The following THAP9 variants were observed in gnomAD, a reference collection of about 807,000 sequenced individuals.
THAP9 encodes DNA transposase THAP9.
THAP9 carries 20 observed loss-of-function variants against 35.7 expected under a neutral mutation model. The ratio of observed to expected loss-of-function variants is 0.56; its 90% CI spans 0.39 to 0.81. The LOEUF (loss-of-function observed/expected upper bound fraction) is 0.81, where lower values mean the gene tolerates loss of function less well. THAP9 is among the 40% of genes least tolerant of loss of function. THAP9 has a pLI of 0.00. For missense variants in THAP9, 870 were observed against 1,047.4 expected, an observed-to-expected ratio of 0.83 and a Z score of 2.34; for synonymous variants, 335 against 373.7, an observed-to-expected ratio of 0.90 and a Z score of 1.19.
At position 82,918,280 on chromosome 4, in the gene THAP9, G is replaced by T. The variant is rs201342687; in HGVS notation, c.2068G>T (p.Glu690Ter). Residue 690 changes from glutamate (E) to a stop codon, truncating the protein, a stop_gained, in exon 5 of 5, where the codon GAG becomes TAG. Coordinates refer to ENST00000302236, the MANE Select transcript of THAP9 (RefSeq NM_024672.6). LOFTEE classifies it low-confidence loss of function (END_TRUNC). ...CGTTACAAAGACTGTCTTTCACGAA[G>T]AGGGTATTTGTCAAGACTGGTCTCA... ...VSVTKTVFHE[E>*]GICQDWSHCS... 15 of 1,614,186 alleles carry T rather than the reference G, an allele frequency of 9.3e-6. No individual in the cohort carries two copies. In the East Asian group the frequency reaches 3.3e-4, roughly 36 times the overall value.
At chr4:82,906,191 A>C in intron 2 of THAP9, 133 bp from the exon 3 acceptor site, 1 of 718,598 alleles carries the variant, frequency 1.4e-6, no homozygotes, top group Non-Finnish European at 2.2e-6. Context: ...AAACATTCAG[A>C]GATTATGACC....
At position 82,900,836 on chromosome 4, in the gene THAP9, A is replaced by G; in HGVS notation, c.34A>G (p.Thr12Ala). 6.2e-7 allele frequency: 1 copy of G among 1,613,542 alleles called. No individual in the cohort carries two copies. Reference protein sequence around the residue: ...TRSCSAVGCSTRDTVLSRERG... With the variant: ...TRSCSAVGCSARDTVLSRERG... ...AAGTTGCTCCGCAGTGGGCTGCAGCACCCGTGACACCGTGCTCAGCCGGGA... is the reference window on the plus strand; with the variant it reads ...AAGTTGCTCCGCAGTGGGCTGCAGCGCCCGTGACACCGTGCTCAGCCGGGA... Residue 12 changes from threonine (T) to alanine (A), a missense_variant, in exon 1 of 5, where the codon ACC becomes GCC. By Grantham distance (58) the Thr-to-Ala change is moderately conservative. Around this residue, in one of 3 missense-constraint regions of THAP9, gnomAD observed 440 missense variants for 501.2 expected, o/e 0.88. Coordinates refer to ENST00000302236, the MANE Select transcript of THAP9 (RefSeq NM_024672.6).
Position 82,918,555 on chromosome 4 carries a change from C to G in THAP9, c.2343C>G (p.Thr781=), listed in dbSNP as rs777205007. 9.3e-6 allele frequency: 15 copies of G among 1,613,864 alleles called. 1 individual carries two copies. The South Asian group carries it at 1.5e-4, about 17-fold the overall frequency. The part of the protein sequence containing the change: ...VINICERVVR[T]HSRMAIFELV... ...ATATTTGTGAGCGAGTTGTAAGAACCCATTCAAGAATGGCAATTTTTGAAC... is the reference window on the plus strand; with the variant it reads ...ATATTTGTGAGCGAGTTGTAAGAACGCATTCAAGAATGGCAATTTTTGAAC... Residue 781 remains threonine (T), a synonymous_variant, in exon 5 of 5, where the codon ACC becomes ACG. Coordinates refer to ENST00000302236, the MANE Select transcript of THAP9 (RefSeq NM_024672.6).
Position 82,904,637 on chromosome 4 carries a change from A to G in THAP9, c.81-99A>G, listed in dbSNP as rs535624752. 6 of 1,080,076 alleles carry G rather than the reference A, an allele frequency of 5.6e-6. No homozygotes were observed. In the South Asian group the frequency reaches 9.1e-5, roughly 16 times the overall value. 66.9% of individuals were successfully genotyped at this position (1,080,076 alleles called of 1,614,324 possible). A position where few individuals can be genotyped will look rare whatever the true frequency, so the allele number is the denominator to read the frequency against. ...TTAATTCACTTGGCTTTATGTTTCT[A>G]TAAAGCAGTAAAATAATAGATGGGT... On this transcript the variant is annotated intron_variant, in intron 1 of 4. Transcript: ENST00000302236.
chr4:82,912,385 A>G (rs1720894083), intron 4 of THAP9, among the ~76,000 whole-genome samples: 1 of 152,232 alleles, frequency 6.6e-6, no homozygotes, highest in Non-Finnish European at 1.5e-5. Context: ...GAGAATCAAA[A>G]GTAACAACAG....
In THAP9 at chr4:82,907,869, G is replaced by A; in HGVS notation, c.665G>A (p.Cys222Tyr). Residue 222 changes from cysteine (C) to tyrosine (Y), a missense_variant, in exon 4 of 5, where the codon TGC becomes TAC. Physicochemically the swap from Cys to Tyr is radical, Grantham distance 194 (BLOSUM62 -2). This residue lies in a region of THAP9 where 440 missense variants were observed against 501.2 expected (regional missense o/e 0.88). Transcript: ENST00000302236. ...MKQFACTLYL[C>Y]SSKVYDYVRK... The stretch of plus-strand genomic sequence containing the variant: ...CAATTTGCATGTACACTCTACTTGT[G>A]CAGTAGCAAAGTCTATGATTATGTA... The A allele has an allele frequency of 6.2e-7, 1 of 1,611,932 alleles. No individual in the cohort carries two copies. The highest frequency in any genetic ancestry group is 2.2e-5 in the East Asian group (1 of 44,738).
chr4:82,917,864 A>G lies in THAP9; in HGVS notation c.1652A>G (p.Lys551Arg). The G allele has an allele frequency of 1.9e-6, 3 of 1,613,382 alleles. No individual in the cohort carries two copies. The highest frequency in any genetic ancestry group is 2.5e-6 in the Non-Finnish European group (3 of 1,179,884). ...SKINHVLIEA[K>R]TIFVTLSDTS... ...ATAAACCACGTGTTAATTGAAGCCA[A>G]GACTATTTTTGTTACATTATCTGAC... Residue 551 changes from lysine (K) to arginine (R), a missense_variant, in exon 5 of 5, where the codon AAG (lysine) becomes AGG (arginine). Lys to Arg is a conservative substitution (Grantham distance 26, BLOSUM62 2). Around this residue, in one of 3 missense-constraint regions of THAP9, gnomAD observed 414 missense variants for 500.8 expected, o/e 0.83. Transcript: ENST00000302236.
intron 4 of THAP9, among the ~76,000 whole-genome samples, chr4:82,908,662 G>C (rs865904900): frequency 6.6e-6 from 1 of 152,144 alleles, no homozygotes; most frequent in Non-Finnish European, 1.5e-5. Context: ...GCACAATCTC[G>C]GCTCACTGCA....
intron 4 of THAP9, among the ~76,000 whole-genome samples, chr4:82,909,396 C>T (rs1720782112): frequency 6.7e-6 from 1 of 150,196 alleles, no homozygotes; most frequent in Admixed American, 6.6e-5. Flanking sequence ...TAAATAATTA[C>T]TGTTAACATT....
At chr4:82,911,081 G>A (rs1244787191) in intron 4 of THAP9, among the ~76,000 whole-genome samples, 1 of 152,092 alleles carries the variant, frequency 6.6e-6, no homozygotes. Context: ...CAGCGTGTTC[G>A]CATGTTTATG....
Position 82,918,505 on chromosome 4 carries a change from T to G in THAP9, c.2293T>G (p.Ser765Ala). ...AAAGAAGAATGGTTTGCATTTTCCTTCAGAAAGTCTGTGTCGGGTCATAAA... is the reference window on the plus strand; with the variant it reads ...AAAGAAGAATGGTTTGCATTTTCCTGCAGAAAGTCTGTGTCGGGTCATAAA... ...VKKKNGLHFPSESLCRVINIC... is the reference protein window; with the variant it reads ...VKKKNGLHFPAESLCRVINIC... Residue 765 changes from serine to alanine, a missense_variant, in exon 5 of 5, where the codon TCA (serine) becomes GCA (alanine). Around this residue, in one of 3 missense-constraint regions of THAP9, gnomAD observed 414 missense variants for 500.8 expected, o/e 0.83. Transcript: ENST00000302236. 6.2e-7 allele frequency: 1 copy of G among 1,614,190 alleles called. No homozygotes were observed. Among genetic ancestry groups the G allele is most frequent in the South Asian group, 1.1e-5 (1 of 91,078 alleles).
intron 4 of THAP9, among the ~76,000 whole-genome samples, chr4:82,911,493 C>T (rs185371191): frequency 4.6e-5 from 7 of 152,210 alleles, no homozygotes; most frequent in Non-Finnish European, 1.0e-4. Flanking sequence ...ACTCGGGAGG[C>T]TGAGGCAGGA....
At position 82,904,058 on chromosome 4, in the gene THAP9, CTTT is replaced by C. The variant is rs59655406; in HGVS notation, c.81-657_81-655del. On this transcript the variant is annotated intron_variant, in intron 1 of 4. Coordinates refer to ENST00000302236, the MANE Select transcript of THAP9 (RefSeq NM_024672.6). ...CAAGGGGAGGGGAATTAGGCTCCCC[CTTT>C]TTTTTTTTTTTTTTTTTTTTGTTAC... Among the ~76,000 whole-genome samples, 317 of 82,226 alleles carry C rather than the reference CTTT, an allele frequency of 3.9e-3. 1 individual carries two copies. The highest frequency in any genetic ancestry group is 0.013 in the African/African-American group (280 of 21,458). The allele number at this position is 82,226 out of a possible 152,430, so 53.9% of individuals were successfully genotyped here. A position where few individuals can be genotyped will look rare whatever the true frequency, so the allele number is the denominator to read the frequency against.
intron 4 of THAP9, among the ~76,000 whole-genome samples, chr4:82,908,334 A>G (rs1338942606): frequency 6.6e-6 from 1 of 152,238 alleles, no homozygotes; most frequent in East Asian, 1.9e-4. Flanking sequence ...TGGAAAATCT[A>G]GAACAGTTCT....
chr4:82,906,805 C>CAGTTATAA (rs573202239), intron 3 of THAP9, among the ~76,000 whole-genome samples, 178 bp downstream of exon 3: 35 of 152,066 alleles, frequency 2.3e-4, no homozygotes, highest in South Asian at 2.1e-3. Flanking sequence ...TATGGTTTTC[C>CAGTTATAA]AGTTATAAAA....
chr4:82,918,491 G>C lies in THAP9; in HGVS notation c.2279G>C (p.Gly760Ala). The C allele has an allele frequency of 6.2e-7, 1 of 1,614,122 alleles. No homozygotes were observed. ...GSLLFVKKKN[G>A]LHFPSESLCR... ...CTATTATTTGTTAAAAAGAAGAATG[G>C]TTTGCATTTTCCTTCAGAAAGTCTG... The change falls in exon 5 of 5, where the codon GGT becomes GCT. Residue 760 changes from glycine to alanine, a missense_variant. Around this residue, in one of 3 missense-constraint regions of THAP9, gnomAD observed 414 missense variants for 500.8 expected, o/e 0.83. Transcript: ENST00000302236.
intron 1 of THAP9, among the ~76,000 whole-genome samples, chr4:82,903,958 T>C (rs1392631663): frequency 6.6e-6 from 1 of 152,128 alleles, no homozygotes; most frequent in African/African-American, 2.4e-5. Flanking sequence ...CTTTATGACG[T>C]AGTCTGTGGT....
rs767739639 is a variant in THAP9 at position 82,906,391 on chromosome 4, A to G, written c.344A>G (p.Asn115Ser). The part of the protein sequence containing the change: ...QKILKQPLPD[N>S]SQEVATEDHN... ...ATCCTAAAACAACCTCTTCCAGACA[A>G]TTCTCAAGAAGTTGCTACTGAGGAC... The change falls in exon 3 of 5, where the codon AAT (asparagine) becomes AGT (serine). Residue 115 changes from asparagine to serine, a missense_variant. Coordinates refer to ENST00000302236, the MANE Select transcript of THAP9 (RefSeq NM_024672.6). 12 of 1,613,354 alleles carry G rather than the reference A, an allele frequency of 7.4e-6. No homozygotes were observed. The highest frequency in any genetic ancestry group is 6.7e-5 in the African/African-American group (5 of 74,906).
rs200386399 is a variant in THAP9, at chr4:82,917,006, G to A, written c.794G>A (p.Arg265Gln). The A allele has an allele frequency of 1.2e-4, 189 of 1,567,892 alleles. No individual in the cohort carries two copies. The highest frequency in any genetic ancestry group is 1.4e-4 in the Non-Finnish European group (163 of 1,159,884). Residue 265 changes from arginine (R) to glutamine (Q), a missense_variant, in exon 5 of 5, where the codon CGA (arginine) becomes CAA (glutamine). Physicochemically the swap from Arg to Gln is conservative, Grantham distance 43. Around this residue, in one of 3 missense-constraint regions of THAP9, gnomAD observed 440 missense variants for 501.2 expected, o/e 0.88. Coordinates refer to ENST00000302236, the MANE Select transcript of THAP9 (RefSeq NM_024672.6). ...FNSNIFSFLQRRVENGDQLYQ... is the reference protein window; with the variant it reads ...FNSNIFSFLQQRVENGDQLYQ... ...AGCAACATTTTTTCTTTTCTTCAACGAAGAGTAGAGAATGGAGATCAGCTC... is the reference window on the plus strand; with the variant it reads ...AGCAACATTTTTTCTTTTCTTCAACAAAGAGTAGAGAATGGAGATCAGCTC...
Sources: gnomAD v4.1 joint callset for allele counts (sites outside exome capture counted in the v4.1 genomes callset) on GRCh38, gnomAD v4.1.1 for gene constraint, gnomAD v4.1.1 regional missense constraint, MANE v1.5 for transcripts, NCBI Gene and HGNC (gene_info 2026-07-23, HGNC 2026-07-21) for gene names.